RHBDD1: variants seen among roughly 807,000 people sequenced by gnomAD.
The protein encoded by RHBDD1 is rhomboid domain containing 1.
Under a neutral mutation model 36.3 loss-of-function variants are expected in RHBDD1, and 38 were observed. The observed-to-expected ratio is 1.05, with a 90% CI of 0.81 to 1.37. The LOEUF (loss-of-function observed/expected upper bound fraction) is 1.37, where lower values mean the gene tolerates loss of function less well. RHBDD1 is among the 40% of genes most tolerant of loss of function. The probability of loss-of-function intolerance (pLI) is 0.00; values close to 1 mark genes in which losing one functional copy is unlikely to be tolerated. For synonymous variants in RHBDD1, 151 were observed against 136.5 expected (o/e 1.11, Z -0.74); for missense variants, 393 against 377.6 (o/e 1.04, Z -0.34).
At chr2:226,803,209 C>G in the RHBDD1 span, among the ~76,000 whole-genome samples, 1 of 151,986 alleles carries the variant, frequency 6.6e-6, no homozygotes, top group African/African-American at 2.4e-5. Flanking sequence ...CATTTGAATG[C>G]TTACTCTGCA....
chr2:226,819,986 T>G, the RHBDD1 span, among the ~76,000 whole-genome samples: 154 of 151,598 alleles, frequency 1.0e-3, 1 homozygote, highest in African/African-American at 3.6e-3. Context: ...TGTTTTTTTT[T>G]TTTTTTTTTT....
intron 8 of RHBDD1, among the ~76,000 whole-genome samples, chr2:226,970,579 G>T (rs1167329677): frequency 6.6e-6 from 1 of 152,180 alleles, no homozygotes; most frequent in African/African-American, 2.4e-5. Context: ...CTTCTCAGGG[G>T]CTGCTCAGGC....
chr2:226,826,138 T>C, the RHBDD1 span, among the ~76,000 whole-genome samples: 2 of 152,178 alleles, frequency 1.3e-5, no homozygotes, highest in African/African-American at 4.8e-5. Context: ...TAGGAAAACA[T>C]GTAGACGATG....
intron 8 of RHBDD1, among the ~76,000 whole-genome samples, chr2:226,941,972 TC>T (rs760452409): frequency 9.9e-5 from 15 of 152,168 alleles, no homozygotes; most frequent in Non-Finnish European, 2.1e-4. Context: ...CACAGAGAAA[TC>T]AAATGACTTT....
intron 8 of RHBDD1, among the ~76,000 whole-genome samples, chr2:226,985,791 A>G (rs969526728): frequency 6.6e-6 from 1 of 152,260 alleles, no homozygotes; most frequent in African/African-American, 2.4e-5. Flanking sequence ...CAGCAAGGTT[A>G]GGGATGATTC....
intron 8 of RHBDD1, among the ~76,000 whole-genome samples, chr2:226,994,595 A>G (rs1476699379): frequency 6.6e-6 from 1 of 152,120 alleles, no homozygotes; most frequent in Admixed American, 6.5e-5. Context: ...CTTAGAAGTA[A>G]ACCTCTACTT....
chr2:226,826,071 T>C, the RHBDD1 span, among the ~76,000 whole-genome samples: 2 of 152,308 alleles, frequency 1.3e-5, no homozygotes, highest in East Asian at 3.9e-4. Context: ...TTTTAAAATC[T>C]AAAATAATAA....
At chr2:226,805,338 G>A in the RHBDD1 span, among the ~76,000 whole-genome samples, 1 of 152,166 alleles carries the variant, frequency 6.6e-6, no homozygotes, top group Non-Finnish European at 1.5e-5. Flanking sequence ...TCAGTCTCCT[G>A]AGTAGCTGGG....
chr2:226,966,980 A>G (rs1023428545), intron 8 of RHBDD1, among the ~76,000 whole-genome samples: 1 of 152,152 alleles, frequency 6.6e-6, no homozygotes, highest in East Asian at 1.9e-4. Flanking sequence ...CTGTTGTACA[A>G]TAAAATTTGA....
chr2:226,894,600 T>G (rs559159735), intron 5 of RHBDD1, among the ~76,000 whole-genome samples: 6 of 152,164 alleles, frequency 3.9e-5, no homozygotes, highest in Non-Finnish European at 5.9e-5. Context: ...TTTTATTACT[T>G]TTTATTCTTA....
chr2:226,813,682 T>A, the RHBDD1 span, among the ~76,000 whole-genome samples: 2 of 152,248 alleles, frequency 1.3e-5, no homozygotes, highest in East Asian at 3.8e-4. Context: ...ATAGTAATAG[T>A]ATCACATTGA....
At chr2:226,915,749 G>A (rs1213148788) in intron 8 of RHBDD1, among the ~76,000 whole-genome samples, 1 of 152,222 alleles carries the variant, frequency 6.6e-6, no homozygotes, top group Non-Finnish European at 1.5e-5. Flanking sequence ...CCTAAATTAT[G>A]AAGGTGGAGA....
chr2:226,821,494 G>T, the RHBDD1 span, among the ~76,000 whole-genome samples: 1 of 151,776 alleles, frequency 6.6e-6, no homozygotes, highest in African/African-American at 2.4e-5. Context: ...CTGGAAATGT[G>T]TTTAAGTTTT....
At chr2:226,821,451 C>A in the RHBDD1 span, among the ~76,000 whole-genome samples, 1 of 151,850 alleles carries the variant, frequency 6.6e-6, no homozygotes, top group Admixed American at 6.6e-5. Context: ...TTCACCCCTG[C>A]CCCCTGCCCC....
intron 3 of RHBDD1, among the ~76,000 whole-genome samples, chr2:226,847,753 C>G (rs1322935216): frequency 6.6e-6 from 1 of 152,220 alleles, no homozygotes; most frequent in Non-Finnish European, 1.5e-5. Flanking sequence ...CCTGAACTGA[C>G]CATGCAGCTT....
At chr2:226,975,110 A>T (rs1299683986) in intron 8 of RHBDD1, among the ~76,000 whole-genome samples, 5 of 152,168 alleles carry the variant, frequency 3.3e-5, no homozygotes, top group Admixed American at 2.6e-4. Flanking sequence ...TCCATTTCTA[A>T]TATAAAATCT....
At chr2:226,801,056 A>G in the RHBDD1 span, among the ~76,000 whole-genome samples, 1 of 152,158 alleles carries the variant, frequency 6.6e-6, no homozygotes, top group Non-Finnish European at 1.5e-5. Context: ...CACTCGGTTT[A>G]ATGCTGTCTC....
chr2:226,927,146 C>T lies in RHBDD1; in HGVS notation c.856+12795C>T, dbSNP rs115116792. Among the ~76,000 whole-genome samples the T allele has an allele frequency of 5.6e-3, 855 of 152,216 alleles. 10 individuals are homozygous for T. The highest frequency in any genetic ancestry group is 0.02 in the African/African-American group (816 of 41,550). ...AATCCTCAACAAGCACTGTTCTCTT[C>T]TCCATCTCCTTAACTTTGCTTTTTC... is the stretch of plus-strand genomic sequence containing the variant. On this transcript the variant is annotated intron_variant, in intron 8 of 8. Coordinates refer to ENST00000392062, the MANE Select transcript of RHBDD1 (RefSeq NM_001167608.3).
chr2:226,993,588 A>C (rs1958741256), intron 8 of RHBDD1, among the ~76,000 whole-genome samples: 1 of 152,204 alleles, frequency 6.6e-6, no homozygotes, highest in Non-Finnish European at 1.5e-5. Flanking sequence ...TACATATGGC[A>C]AAAACGTTTT....
Sources: gnomAD v4.1 joint callset for allele counts (sites outside exome capture counted in the v4.1 genomes callset) on GRCh38, gnomAD v4.1.1 for gene constraint, MANE v1.5 for transcripts, NCBI Gene and HGNC (gene_info 2026-07-23, HGNC 2026-07-21) for gene names.